DLGAP3: variants seen among roughly 807,000 people sequenced by gnomAD.
DLGAP3 encodes DLG associated protein 3, also known as disks large-associated protein 3.
A neutral mutation model predicts 81.2 loss-of-function variants in DLGAP3; 17 were observed. The observed-to-expected ratio is 0.21, with a 90% CI of 0.14 to 0.31. DLGAP3 has a LOEUF of 0.31. DLGAP3 is among the 10% of genes least tolerant of loss of function. The pLI, the probability that DLGAP3 is intolerant of heterozygous loss-of-function variation, is 1.00. For missense variants in DLGAP3, 1,124 were observed against 1,388.0 expected (o/e 0.81, Z 3.02); for synonymous variants, 577 against 587.4 (o/e 0.98, Z 0.26).
intron 1 of DLGAP3, among the ~76,000 whole-genome samples, chr1:34,923,990 G>A (rs1219730178): frequency 1.3e-5 from 2 of 152,102 alleles, no homozygotes; most frequent in Non-Finnish European, 2.9e-5. Context: ...TTGTGCTCTT[G>A]GGGATGGGAA....
At chr1:34,891,171 T>G (rs1167388878) in intron 5 of DLGAP3, among the ~76,000 whole-genome samples, 2 of 152,210 alleles carry the variant, frequency 1.3e-5, no homozygotes, top group Non-Finnish European at 1.5e-5. Flanking sequence ...TAAAAATTAC[T>G]GGACTTTGGG....
chr1:34,917,430 C>T (rs1639735390), intron 1 of DLGAP3, among the ~76,000 whole-genome samples: 1 of 151,340 alleles, frequency 6.6e-6, no homozygotes. Context: ...TCACTGCAGC[C>T]TTGACCTCCC....
Position 34,866,243 on chromosome 1 carries a change from G to T in DLGAP3, c.2780C>A (p.Pro927Gln). The change falls in exon 12 of 12, where the codon CCG (proline) becomes CAG (glutamine). Residue 927 changes from proline to glutamine, a missense_variant. Coordinates refer to ENST00000373347, the MANE Select transcript of DLGAP3 (RefSeq NM_001080418.3). ...GGAGTCCAGGGAGCGCTCCTTCACCGGCACGCCCCGGCCCCGCAGGGGCTT... is the reference window on the plus strand; with the variant it reads ...GGAGTCCAGGGAGCGCTCCTTCACCTGCACGCCCCGGCCCCGCAGGGGCTT... ...PKKPLRGRGV[P>Q]VKERSLDSVD... 1.3e-6 allele frequency: 2 copies of T among 1,569,202 alleles called. No individual in the cohort carries two copies. The highest frequency in any genetic ancestry group is 1.1e-5 in the South Asian group (1 of 87,004).
intron 5 of DLGAP3, among the ~76,000 whole-genome samples, chr1:34,887,685 A>G (rs1055357049): frequency 6.6e-6 from 1 of 152,202 alleles, no homozygotes; most frequent in African/African-American, 2.4e-5. Flanking sequence ...ATCAGGGAGT[A>G]TAGCCTCAGA....
At chr1:34,874,703 A>G (rs772952584) in intron 8 of DLGAP3, among the ~76,000 whole-genome samples, 15 of 152,104 alleles carry the variant, frequency 9.9e-5, no homozygotes, top group Non-Finnish European at 1.9e-4. Context: ...TCTGGGGGAT[A>G]ACATAAAAGC....
rs899307909 is a variant in DLGAP3 at position 34,867,976 on chromosome 1, C to G, written c.2486-349G>C. Among the ~76,000 whole-genome samples the G allele has an allele frequency of 2.6e-5, 4 of 152,226 alleles. No homozygotes were observed. Among genetic ancestry groups the G allele is most frequent in the African/African-American group, 9.7e-5 (4 of 41,448 alleles). On this transcript the variant is annotated intron_variant, in intron 9 of 11. Coordinates refer to ENST00000373347, the MANE Select transcript of DLGAP3 (RefSeq NM_001080418.3). The surrounding 1 kb of genome is among the most constrained non-coding windows in gnomAD (Gnocchi z 4.3). ...CATTAGCTCAATGACCACCCACTGG[C>G]TAAGCTTTGTTCATCACTCCCCAGT...
At chr1:34,892,686 A>C (rs900865123) in intron 5 of DLGAP3, among the ~76,000 whole-genome samples, 1 of 88,982 alleles carries the variant, frequency 1.1e-5, no homozygotes, top group African/African-American at 3.0e-5. Context: ...CCTACCTACC[A>C]AATTTAATTA....
At position 34,885,573 on chromosome 1, in the gene DLGAP3, TG is replaced by T; in HGVS notation, c.1818del (p.Lys607SerfsTer71). On this transcript the variant is annotated frameshift_variant, in exon 7 of 12. Transcript: ENST00000373347. LOFTEE classifies it high-confidence loss of function. ...GTCTTGATGATGAGTGTGGGGGGCT[TG>T]GGGCTGGCCCGGGGCGGCACCGGCG... Reference protein sequence around the residue: ...ELAPVPPRASPKPPTLIIKTI... With the variant: ...ELAPVPPRASXKPPTLIIKTI... 6.2e-7 allele frequency: 1 copy of T among 1,604,712 alleles called. No individual in the cohort carries two copies.
At chr1:34,920,867 A>G (rs1639786417) in intron 1 of DLGAP3, among the ~76,000 whole-genome samples, 1 of 152,212 alleles carries the variant, frequency 6.6e-6, no homozygotes, top group Non-Finnish European at 1.5e-5. Flanking sequence ...ATGATTACCA[A>G]ATATATAAAA....
chr1:34,867,432 C>T lies in DLGAP3; in HGVS notation c.2577+104G>A. The T allele has an allele frequency of 8.8e-7, 1 of 1,136,262 alleles. No homozygotes were observed. The allele number at this position is 1,136,262 out of a possible 1,614,324, so 70.4% of individuals were successfully genotyped here. On this transcript the variant is annotated intron_variant, in intron 10 of 11. Transcript: ENST00000373347. This position sits in a 1 kb window ranked among gnomAD's most constrained non-coding sequence, Gnocchi z 4.3. ...CAGAAGGCATGCAGGCCTGGTCTCA[C>T]CTCTGGTACACACTCACTCTGGGTC... is the stretch of plus-strand genomic sequence containing the variant.
chr1:34,897,004 G>T (rs1434481738), intron 5 of DLGAP3, among the ~76,000 whole-genome samples: 1 of 151,984 alleles, frequency 6.6e-6, no homozygotes, highest in South Asian at 2.1e-4. Context: ...TATCAGAATG[G>T]ATATAGGTAA....
chr1:34,907,013 C>T (rs924676655), intron 2 of DLGAP3, among the ~76,000 whole-genome samples: 3 of 152,126 alleles, frequency 2.0e-5, no homozygotes, highest in South Asian at 4.1e-4. Context: ...ATGACAGCCT[C>T]AAAGGCTCCA....
chr1:34,888,726 T>A (rs1278710276), intron 5 of DLGAP3, among the ~76,000 whole-genome samples: 1 of 151,280 alleles, frequency 6.6e-6, no homozygotes, highest in Non-Finnish European at 1.5e-5. Flanking sequence ...CAAGCCACAC[T>A]TGTGTGACAG....
At chr1:34,920,434 C>G (rs1015365450) in intron 1 of DLGAP3, among the ~76,000 whole-genome samples, 1 of 152,230 alleles carries the variant, frequency 6.6e-6, no homozygotes, top group East Asian at 1.9e-4. Flanking sequence ...GTGTTCATGA[C>G]ATACATACCA....
intron 1 of DLGAP3, among the ~76,000 whole-genome samples, chr1:34,913,484 C>T (rs566660371): frequency 6.6e-6 from 1 of 152,328 alleles, no homozygotes; most frequent in South Asian, 2.1e-4. Flanking sequence ...TGATCACTCG[C>T]TCCAACTAAA....
intron 1 of DLGAP3, among the ~76,000 whole-genome samples, chr1:34,920,250 C>A (rs892274877): frequency 1.3e-5 from 2 of 152,170 alleles, no homozygotes; most frequent in African/African-American, 4.8e-5. Flanking sequence ...AACTCCTGTT[C>A]CCTATGGCAG....
intron 5 of DLGAP3, among the ~76,000 whole-genome samples, chr1:34,893,800 A>G (rs1639348228): frequency 6.6e-6 from 1 of 152,236 alleles, no homozygotes; most frequent in South Asian, 2.1e-4. Context: ...ATGGTACACT[A>G]AAATATTTAT....
chr1:34,925,741 C>T (rs928093074), intron 1 of DLGAP3, among the ~76,000 whole-genome samples: 1 of 152,148 alleles, frequency 6.6e-6, no homozygotes, highest in African/African-American at 2.4e-5. Context: ...GGCATAGAAG[C>T]AGGGGCCTTT....
chr1:34,906,813 T>A (rs946994151), intron 2 of DLGAP3, among the ~76,000 whole-genome samples: 26 of 152,150 alleles, frequency 1.7e-4, no homozygotes, highest in Non-Finnish European at 2.9e-4. Flanking sequence ...CATCCCAGAC[T>A]TGCCAAGGCT....
Sources: gnomAD v4.1 joint callset for allele counts (sites outside exome capture counted in the v4.1 genomes callset) on GRCh38, gnomAD v4.1.1 for gene constraint, Gnocchi (gnomAD v3.1) non-coding constraint, MANE v1.5 for transcripts, NCBI Gene and HGNC (gene_info 2026-07-23, HGNC 2026-07-21) for gene names.